Variants in ZBTB40 observed in about 807,000 individuals in gnomAD.
ZBTB40 encodes the protein zinc finger and BTB domain-containing protein 40.
A neutral mutation model predicts 117.5 loss-of-function variants in ZBTB40; 60 were observed. That is an observed-to-expected ratio of 0.51 (90% CI 0.41 to 0.63). The LOEUF (loss-of-function observed/expected upper bound fraction) is 0.63, where lower values mean the gene tolerates loss of function less well. ZBTB40 is among the 30% of genes least tolerant of loss of function. The probability of loss-of-function intolerance (pLI) is 0.00; values close to 1 mark genes in which losing one functional copy is unlikely to be tolerated. For missense variants in ZBTB40, 1,287 were observed against 1,498.5 expected (o/e 0.86, Z 2.33); for synonymous variants, 525 against 577.1 (o/e 0.91, Z 1.29).
chr1:22,512,218 C>T, intron 11 of ZBTB40, 84 bp downstream of exon 11: 1 of 1,452,856 alleles, frequency 6.9e-7, no homozygotes, highest in South Asian at 1.2e-5. Context: ...TAGTTGTGTG[C>T]AGTGAGGGCT....
rs548342828 is a variant in ZBTB40, at chr1:22,502,603, C to G, written c.1167+162C>G. On this transcript the variant is annotated intron_variant, in intron 5 of 17. Transcript: ENST00000375647. ...TTGTTTCATATCCTGTTGCATTCCTCGCGGTAGCTTGCTGAGGGCCTTGCA... is the reference window on the plus strand; with the variant it reads ...TTGTTTCATATCCTGTTGCATTCCTGGCGGTAGCTTGCTGAGGGCCTTGCA... Among the ~76,000 whole-genome samples the G allele has an allele frequency of 2.7e-3, 411 of 152,248 alleles. 1 individual carries two copies. Among genetic ancestry groups the G allele is most frequent in the Admixed American group, 5.7e-3 (87 of 15,288 alleles).
rs750460966 is a variant in ZBTB40 at position 22,511,257 on chromosome 1, G to C, written c.1912G>C (p.Val638Leu). The C allele has an allele frequency of 1.2e-6, 2 of 1,613,926 alleles. No individual in the cohort carries two copies. Among genetic ancestry groups the C allele is most frequent in the Non-Finnish European group, 1.7e-6 (2 of 1,180,030 alleles). ...GCTGAGCAGAGCCATGGAAAAATCA[G>C]TCCCGGCCATTGAAATATGCCACCT... ...AVLSRAMEKSVPAIEICHLLC... is the reference protein window; with the variant it reads ...AVLSRAMEKSLPAIEICHLLC... The change falls in exon 10 of 18, where the codon GTC becomes CTC. Residue 638 changes from valine to leucine, a missense_variant. Val to Leu is a conservative substitution (Grantham distance 32). Coordinates refer to ENST00000375647, the MANE Select transcript of ZBTB40 (RefSeq NM_014870.4).
intron 16 of ZBTB40, among the ~76,000 whole-genome samples, chr1:22,522,945 C>CT (rs34232963): frequency 0.022 from 2,108 of 93,878 alleles, 116 homozygotes; most frequent in African/African-American, 0.038. Flanking sequence ...TAAGATGTAC[C>CT]TTTTTTTTTT....
intron 5 of ZBTB40, among the ~76,000 whole-genome samples, chr1:22,505,639 A>G (rs1246145304): frequency 6.6e-6 from 1 of 152,244 alleles, no homozygotes; most frequent in Non-Finnish European, 1.5e-5. Flanking sequence ...CTTTACTGAA[A>G]AAAGACCAAA....
At chr1:22,468,718 C>T (rs1165632035) in intron 1 of ZBTB40, among the ~76,000 whole-genome samples, 20 of 134,316 alleles carry the variant, frequency 1.5e-4, no homozygotes, top group African/African-American at 2.8e-5. Flanking sequence ...AAGCTGATCT[C>T]GAACTCCTGG....
At chr1:22,445,873 A>G (rs1157980104) in intron 1 of ZBTB40, among the ~76,000 whole-genome samples, 1 of 151,946 alleles carries the variant, frequency 6.6e-6, no homozygotes, top group African/African-American at 2.4e-5. Flanking sequence ...AAAAAAAACA[A>G]AAAACTGAAA....
chr1:22,512,528 A>C (rs1333180344), intron 11 of ZBTB40, among the ~76,000 whole-genome samples: 1 of 152,216 alleles, frequency 6.6e-6, no homozygotes, highest in Non-Finnish European at 1.5e-5. Flanking sequence ...GTAACAAACA[A>C]GAGTCATGGA....
chr1:22,499,359 T>A (rs1638864466), intron 3 of ZBTB40, among the ~76,000 whole-genome samples: 1 of 152,314 alleles, frequency 6.6e-6, no homozygotes, highest in Middle Eastern at 3.4e-3. Flanking sequence ...TACCATATTC[T>A]GCTTCTTAGA....
intron 1 of ZBTB40, among the ~76,000 whole-genome samples, chr1:22,478,792 A>G (rs547835640): frequency 6.6e-6 from 1 of 152,308 alleles, no homozygotes; most frequent in Admixed American, 6.5e-5. Context: ...TAATTTTTAA[A>G]TTGAGATATA....
chr1:22,482,501 G>A (rs949722184), intron 1 of ZBTB40, among the ~76,000 whole-genome samples: 6 of 151,946 alleles, frequency 3.9e-5, no homozygotes, highest in African/African-American at 9.7e-5. Context: ...ATTCTTACCC[G>A]GAGTCCATAG....
intron 3 of ZBTB40, among the ~76,000 whole-genome samples, chr1:22,497,474 GT>G (rs1325297571): frequency 2.8e-4 from 42 of 152,300 alleles, no homozygotes; most frequent in African/African-American, 9.6e-4. Context: ...GTGAAAATAA[GT>G]TGTTTTTCCA....
intron 3 of ZBTB40, among the ~76,000 whole-genome samples, chr1:22,499,335 C>T (rs1034844494): frequency 2.6e-5 from 4 of 152,206 alleles, no homozygotes; most frequent in East Asian, 1.9e-4. Flanking sequence ...TCAAAAGTAG[C>T]ATCCTGTAAC....
intron 1 of ZBTB40, among the ~76,000 whole-genome samples, chr1:22,433,947 A>G (rs1009808127): frequency 4.6e-5 from 7 of 151,946 alleles, no homozygotes; most frequent in Non-Finnish European, 7.4e-5. Flanking sequence ...TTGTATATAC[A>G]TTCTTTAGTA....
chr1:22,430,784 A>G (rs1640570035), intron 1 of ZBTB40, among the ~76,000 whole-genome samples: 1 of 151,554 alleles, frequency 6.6e-6, no homozygotes, highest in Non-Finnish European at 1.5e-5. Flanking sequence ...TTTTCTTTTT[A>G]TATATTGTCC....
Position 22,502,359 on chromosome 1 carries a change from T to A in ZBTB40, c.1085T>A (p.Ile362Lys), listed in dbSNP as rs756290475. The change falls in exon 5 of 18, where the codon ATA becomes AAA. Residue 362 changes from isoleucine (I) to lysine (K), a missense_variant. Coordinates refer to ENST00000375647, the MANE Select transcript of ZBTB40 (RefSeq NM_014870.4). ...VLLLEHKEDL[I>K]QCVTQLRPIM... The stretch of plus-strand genomic sequence containing the variant: ...TTACTAGAACACAAAGAGGACCTGA[T>A]ACAGTGTGTAACACAGCTGAGACCT... 2 of 1,613,946 alleles carry A rather than the reference T, an allele frequency of 1.2e-6. No homozygotes were observed.
intron 12 of ZBTB40, among the ~76,000 whole-genome samples, chr1:22,514,724 T>A (rs1228531534): frequency 1.3e-5 from 2 of 152,232 alleles, no homozygotes; most frequent in Non-Finnish European, 2.9e-5. Context: ...TGATGTAGTA[T>A]CTACTTTAGT....
intron 1 of ZBTB40, among the ~76,000 whole-genome samples, chr1:22,467,579 A>G (rs560382340): frequency 3.9e-5 from 6 of 152,232 alleles, no homozygotes; most frequent in Admixed American, 3.3e-4. Context: ...GGTTCAAGCA[A>G]TTCTGCCACC....
At chr1:22,522,051 A>C (rs1026082884) in intron 15 of ZBTB40, among the ~76,000 whole-genome samples, 2 of 152,108 alleles carry the variant, frequency 1.3e-5, no homozygotes, top group African/African-American at 4.8e-5. Context: ...ATTAAAACCT[A>C]CTTTGCAGGT....
intron 3 of ZBTB40, among the ~76,000 whole-genome samples, chr1:22,493,739 G>A (rs1361391399): frequency 6.6e-6 from 1 of 150,878 alleles, no homozygotes; most frequent in Non-Finnish European, 1.5e-5. Context: ...GAGTCATATG[G>A]TGTGTATTTT....
Sources: gnomAD v4.1 joint callset for allele counts (sites outside exome capture counted in the v4.1 genomes callset) on GRCh38, gnomAD v4.1.1 for gene constraint, MANE v1.5 for transcripts, NCBI Gene and HGNC (gene_info 2026-07-23, HGNC 2026-07-21) for gene names.